Variants in NIF3L1 observed in about 807,000 individuals in gnomAD.
NIF3L1 encodes the protein NGG1 interacting factor 3 like 1, also known as NIF3-like protein 1.
A neutral mutation model predicts 35.0 loss-of-function variants in NIF3L1; 26 were observed. The observed-to-expected ratio is 0.74, with a 90% confidence interval of 0.54 to 1.03. The LOEUF is 1.03. NIF3L1 is among the 50% of genes least tolerant of loss of function. NIF3L1 has a pLI of 0.00. For missense variants in NIF3L1, 449 were observed against 466.3 expected (o/e 0.96, Z 0.34); for synonymous variants, 157 against 178.9 (o/e 0.88, Z 0.98).
Position 200,895,744 on chromosome 2 carries a change from T to C in NIF3L1, c.726+354T>C, listed in dbSNP as rs998591054. On this transcript the variant is annotated intron_variant, in intron 4 of 6. Coordinates refer to ENST00000409020, the MANE Select transcript of NIF3L1 (RefSeq NM_001369441.2). ...TCAGGGTTACAGATTTGGTTACAGG[T>C]TTGCTGTCTCCTTATTTTACACGCT... Among the ~76,000 whole-genome samples, 5 of 152,166 alleles carry C rather than the reference T, an allele frequency of 3.3e-5. 1 individual carries two copies. The highest frequency in any genetic ancestry group is 1.2e-4 in the African/African-American group (5 of 41,428).
chr2:200,891,880 A>C, intron 1 of NIF3L1, 38 bp from the exon 2 acceptor site: 1 of 1,279,772 alleles, frequency 7.8e-7, no homozygotes, highest in Non-Finnish European at 1.1e-6. Flanking sequence ...CCAGGCCTAA[A>C]GTATACCTGT....
chr2:200,892,516 GT>G, intron 2 of NIF3L1, 137 bp downstream of exon 2: 1 of 653,076 alleles, frequency 1.5e-6, no homozygotes. Flanking sequence ...TTAAAATAAT[GT>G]TGCTGAAATT....
At chr2:200,895,494 T>C in intron 4 of NIF3L1, 104 bp downstream of exon 4, 3 of 1,049,052 alleles carry the variant, frequency 2.9e-6, no homozygotes, top group Non-Finnish European at 4.3e-6. Flanking sequence ...AGGTATACCT[T>C]ATTGAGGTAT....
intron 3 of NIF3L1, among the ~76,000 whole-genome samples, chr2:200,894,708 T>G (rs2040268006): frequency 2.0e-5 from 3 of 148,610 alleles, no homozygotes; most frequent in African/African-American, 5.0e-5. Flanking sequence ...GTGCCTGGCC[T>G]TCTTTTTTTT....
intron 6 of NIF3L1, among the ~76,000 whole-genome samples, chr2:200,900,452 A>C (rs1253115765): frequency 6.6e-6 from 1 of 152,160 alleles, no homozygotes; most frequent in Non-Finnish European, 1.5e-5. Context: ...ACCAGGCTCT[A>C]GGCTCTTAGC....
chr2:200,896,277 GT>G (rs2040312226), intron 4 of NIF3L1, among the ~76,000 whole-genome samples: 1 of 152,116 alleles, frequency 6.6e-6, no homozygotes, highest in African/African-American at 2.4e-5. Context: ...ACTCTGCACA[GT>G]AGCCATACTG....
intron 4 of NIF3L1, 110 bp downstream of exon 4, chr2:200,895,500 G>A: frequency 9.8e-7 from 1 of 1,023,856 alleles, no homozygotes; most frequent in Non-Finnish European, 1.5e-6. Flanking sequence ...ACCTTATTGA[G>A]GTATAATTGA....
intron 6 of NIF3L1, among the ~76,000 whole-genome samples, chr2:200,899,955 A>G (rs1409677358): frequency 6.6e-6 from 1 of 152,082 alleles, no homozygotes; most frequent in East Asian, 1.9e-4. Flanking sequence ...TCAAAGTGCA[A>G]ATTTGATGGT....
At chr2:200,893,998 A>C (rs974765622) in intron 3 of NIF3L1, among the ~76,000 whole-genome samples, 1 of 152,104 alleles carries the variant, frequency 6.6e-6, no homozygotes, top group Admixed American at 6.6e-5. Context: ...AACATGGAGA[A>C]ACCTCGTCTC....
Position 200,897,103 on chromosome 2 carries a change from C to A in NIF3L1, c.754C>A (p.Arg252=). ...TTTGCTTCTACATACTGGAATGGGACGGTTATGCACACTGGATGAATCTGT... is the reference window on the plus strand; with the variant it reads ...TTTGCTTCTACATACTGGAATGGGAAGGTTATGCACACTGGATGAATCTGT... The part of the protein sequence containing the change: ...KPLLLHTGMG[R]LCTLDESVSL... Residue 252 remains arginine (R), a synonymous_variant, in exon 5 of 7, where the codon CGG becomes AGG. Transcript: ENST00000409020. 6.2e-7 allele frequency: 1 copy of A among 1,613,876 alleles called. No individual in the cohort carries two copies. Among genetic ancestry groups the A allele is most frequent in the Non-Finnish European group, 8.5e-7 (1 of 1,179,820 alleles).
At chr2:200,894,556 C>G (rs888210464) in intron 3 of NIF3L1, among the ~76,000 whole-genome samples, 1 of 151,752 alleles carries the variant, frequency 6.6e-6, no homozygotes, top group African/African-American at 2.4e-5. Context: ...ACCCGCCCCC[C>G]ACCACGCCCG....
In NIF3L1 at chr2:200,889,496, C is replaced by A. The variant is rs1303138439; in HGVS notation, c.-183C>A. 1 of 180,920 alleles carries A rather than the reference C, an allele frequency of 5.5e-6. No homozygotes were observed. The highest frequency in any genetic ancestry group is 1.5e-4 in the East Asian group (1 of 6,632). The allele number at this position is 180,920 out of a possible 1,614,324, so 11.2% of individuals were successfully genotyped here. A position where few individuals can be genotyped will look rare whatever the true frequency, so the allele number is the denominator to read the frequency against. On this transcript the variant is annotated 5_prime_UTR_variant, in exon 1 of 7. Transcript: ENST00000409020. The stretch of plus-strand genomic sequence containing the variant: ...GTTATCTTGGTGCTGCAGAGGACAG[C>A]AGAAGAGGAGATTGGGTCAGAAAAC...
intron 1 of NIF3L1, among the ~76,000 whole-genome samples, chr2:200,890,022 T>A (rs1330867907): frequency 6.6e-6 from 1 of 152,102 alleles, no homozygotes; most frequent in Non-Finnish European, 1.5e-5. Flanking sequence ...GCTTGCCAGA[T>A]GTAGAAAATG....
intron 6 of NIF3L1, 121 bp downstream of exon 6, chr2:200,899,589 A>G (rs941388438): frequency 1.3e-5 from 8 of 638,398 alleles, no homozygotes; most frequent in Admixed American, 2.7e-5. Flanking sequence ...TGAACTAAAC[A>G]GAAACTACAA....
chr2:200,898,152 C>T (rs1259799185), intron 5 of NIF3L1, among the ~76,000 whole-genome samples: 1 of 149,812 alleles, frequency 6.7e-6, no homozygotes, highest in Non-Finnish European at 1.5e-5. Context: ...TATAGGTGAA[C>T]AATTGTGGTT....
rs779782426 is a variant in NIF3L1 at position 200,895,260 on chromosome 2, CT to C, written c.600-3del. 1.1e-5 allele frequency: 18 copies of C among 1,613,410 alleles called. No individual in the cohort carries two copies. The highest frequency in any genetic ancestry group is 3.3e-5 in the Admixed American group (2 of 60,000). On this transcript the variant is annotated splice_polypyrimidine_tract_variant and splice_region_variant and intron_variant, in intron 3 of 6. Transcript: ENST00000409020. The stretch of plus-strand genomic sequence containing the variant: ...TCCTAAATGGAGTGATTTTTCCCCC[CT>C]AGGACTGGTAATGAGGAACAAACAC...
chr2:200,902,236 T>G (rs2040419576), intron 6 of NIF3L1, among the ~76,000 whole-genome samples: 1 of 152,230 alleles, frequency 6.6e-6, no homozygotes, highest in African/African-American at 2.4e-5. Flanking sequence ...TGCTCTTAAA[T>G]TAGAAGTCAT....
rs772816998 is a variant in NIF3L1, at chr2:200,892,140, C to A, written c.197C>A (p.Thr66Lys). The change falls in exon 2 of 7, where the codon ACA becomes AAA. Residue 66 changes from threonine to lysine, a missense_variant. Transcript: ENST00000409020. Reference protein sequence around the residue: ...VEPSPPHTVNTLFLTNDLTEE... With the variant: ...VEPSPPHTVNKLFLTNDLTEE... Reference sequence around the variant, plus strand: ...CCAAGCCCACCACATACTGTAAATACACTCTTCCTGACCAATGACCTGACT... The same window carrying A: ...CCAAGCCCACCACATACTGTAAATAAACTCTTCCTGACCAATGACCTGACT... 4.5e-5 allele frequency: 73 copies of A among 1,614,182 alleles called. No homozygotes were observed. The South Asian group carries it at 5.7e-4, about 13-fold the overall frequency.
rs770827322 is a variant in NIF3L1 at position 200,897,152 on chromosome 2, G to A, written c.803G>A (p.Arg268Gln). 8.7e-6 allele frequency: 14 copies of A among 1,613,838 alleles called. No homozygotes were observed. Among genetic ancestry groups the A allele is most frequent in the Admixed American group, 1.7e-5 (1 of 59,958 alleles). Residue 268 changes from arginine (R) to glutamine (Q), a missense_variant, in exon 5 of 7, where the codon CGA (arginine) becomes CAA (glutamine). Transcript: ENST00000409020. Reference protein sequence around the residue: ...ESVSLATMIDRIKRHLKLSHI... With the variant: ...ESVSLATMIDQIKRHLKLSHI... ...GTCTCCCTGGCAACCATGATTGATCGAATAAAAAGACACCTAAAACTATCT... is the reference window on the plus strand; with the variant it reads ...GTCTCCCTGGCAACCATGATTGATCAAATAAAAAGACACCTAAAACTATCT...
Sources: gnomAD v4.1 joint callset for allele counts (sites outside exome capture counted in the v4.1 genomes callset) on GRCh38, gnomAD v4.1.1 for gene constraint, MANE v1.5 for transcripts, NCBI Gene and HGNC (gene_info 2026-07-23, HGNC 2026-07-21) for gene names.